SBNO2: variants seen among roughly 807,000 people sequenced by gnomAD.
The protein encoded by SBNO2 is protein strawberry notch homolog 2.
In SBNO2, 89 loss-of-function variants were observed where a neutral mutation model predicts 146.3. That is an observed-to-expected ratio of 0.61 (90% CI 0.51 to 0.73). The LOEUF (loss-of-function observed/expected upper bound fraction) is 0.73. Ranked by LOEUF, SBNO2 falls within the 30% of genes least tolerant of loss-of-function variation. The pLI is 0.00. For missense variants in SBNO2, 2,092 were observed against 2,003.7 expected, an observed-to-expected ratio of 1.04 and a Z score of -0.84; for synonymous variants, 1,147 against 892.6, an observed-to-expected ratio of 1.29 and a Z score of -5.08.
chr19:1,172,990 A>AT (rs71335343), intron 1 of SBNO2, among the ~76,000 whole-genome samples: 27 of 147,270 alleles, frequency 1.8e-4, no homozygotes, highest in African/African-American at 6.1e-4. Flanking sequence ...CATTTAAGAG[A>AT]TTTTTTTTTT....
At position 1,147,351 on chromosome 19, in the gene SBNO2, G is replaced by A. The variant is rs1240923883; in HGVS notation, c.237C>T (p.Ala79=). 8.9e-6 allele frequency: 14 copies of A among 1,569,274 alleles called. No homozygotes were observed. In the South Asian group the frequency reaches 1.4e-4, roughly 16 times the overall value. ...PCPDTSYAPV[A]TASSLPPKTC... ...TCTTTGGTGGCAAGCTGGAGGCGGT[G>A]GCCACGGGGGCATAGCTGGTGTCTG... Residue 79 remains alanine (A), a synonymous_variant, in exon 4 of 32, where the codon GCC becomes GCT. Coordinates refer to ENST00000361757, the MANE Select transcript of SBNO2 (RefSeq NM_014963.3).
At chr19:1,159,816 G>A (rs2080327514) in intron 1 of SBNO2, among the ~76,000 whole-genome samples, 1 of 143,514 alleles carries the variant, frequency 7.0e-6, no homozygotes, top group African/African-American at 2.5e-5. Flanking sequence ...GACAGTGGGG[G>A]GACAGGAGGG....
chr19:1,121,624 G>A (rs2079901949), intron 11 of SBNO2, among the ~76,000 whole-genome samples: 1 of 151,910 alleles, frequency 6.6e-6, no homozygotes, highest in African/African-American at 2.4e-5. Flanking sequence ...TGGGTCTCCT[G>A]TGGGGGAGCC....
At chr19:1,147,655 G>A (rs1385713992) in intron 3 of SBNO2, among the ~76,000 whole-genome samples, 4 of 152,024 alleles carry the variant, frequency 2.6e-5, no homozygotes, top group Admixed American at 6.5e-5. Context: ...GAGCTCCTAC[G>A]GAACAGCCGC....
rs1232744427 is a variant in SBNO2 at position 1,127,742 on chromosome 19, G to A, written c.303C>T (p.Phe101=). Residue 101 remains phenylalanine (F), a synonymous_variant, in exon 5 of 32, where the codon TTC becomes TTT. Coordinates refer to ENST00000361757, the MANE Select transcript of SBNO2 (RefSeq NM_014963.3). Reference sequence around the variant, plus strand: ...ACGAGGAGAAGATGGAGATGTTGGAGAAGTCCTCAAAATAGGAGGAGTCCT... The same window carrying A: ...ACGAGGAGAAGATGGAGATGTTGGAAAAGTCCTCAAAATAGGAGGAGTCCT... ...FAQDSSYFED[F]SNISIFSSSV... 10 of 1,613,478 alleles carry A rather than the reference G, an allele frequency of 6.2e-6. No homozygotes were observed. The highest frequency in any genetic ancestry group is 8.5e-6 in the Non-Finnish European group (10 of 1,179,838).
Position 1,112,552 on chromosome 19 carries a change from G to A in SBNO2, c.2380-15C>T, listed in dbSNP as rs774320056. Reference sequence around the variant, plus strand: ...ATGGCCACGAGCTAGGGGGAAAGAAGGGGCCGGGACACGGTTGGTGCAAGG... The same window carrying A: ...ATGGCCACGAGCTAGGGGGAAAGAAAGGGCCGGGACACGGTTGGTGCAAGG... On this transcript the variant is annotated splice_polypyrimidine_tract_variant and intron_variant, in intron 20 of 31. Transcript: ENST00000361757. The surrounding 1 kb of genome is among the most constrained non-coding windows in gnomAD (Gnocchi z 5.9). The A allele has an allele frequency of 1.9e-6, 3 of 1,590,548 alleles. No homozygotes were observed. The highest frequency in any genetic ancestry group is 1.1e-5 in the South Asian group (1 of 88,992).
At chr19:1,159,432 T>C (rs867702271) in intron 1 of SBNO2, among the ~76,000 whole-genome samples, 2 of 99,802 alleles carry the variant, frequency 2.0e-5, no homozygotes, top group South Asian at 3.8e-4. Context: ...GTGAGAGACC[T>C]TGGGGGGACG....
chr19:1,134,074 GTGGACCCACAGCTCATAGGCGCC>G (rs973980448), intron 4 of SBNO2, among the ~76,000 whole-genome samples: 7 of 150,982 alleles, frequency 4.6e-5, no homozygotes, highest in Non-Finnish European at 7.4e-5. Flanking sequence ...TAGCTCATGG[GTGGACCCACAGCTCATAGGCGCC>G]TGGACCCACA....
chr19:1,125,094 G>A (rs1388295270), intron 5 of SBNO2, among the ~76,000 whole-genome samples: 2 of 151,792 alleles, frequency 1.3e-5, no homozygotes, highest in Non-Finnish European at 2.9e-5. Flanking sequence ...GCTCACACCC[G>A]TAAATCCCAG....
rs902748487 is a variant in SBNO2, at chr19:1,158,033, C to T, written c.-126-3631G>A. Among the ~76,000 whole-genome samples the T allele has an allele frequency of 8.5e-5, 13 of 152,076 alleles. No homozygotes were observed. The highest frequency in any genetic ancestry group is 2.4e-4 in the African/African-American group (10 of 41,404). On this transcript the variant is annotated intron_variant, in intron 1 of 31. Coordinates refer to ENST00000361757, the MANE Select transcript of SBNO2 (RefSeq NM_014963.3). The surrounding 1 kb of genome is among the most constrained non-coding windows in gnomAD (Gnocchi z 9.9). ...AGTCTGGGTAACTGCATCTGCCTCCCGTCTCTCTCTCCTGAGTCCGGGTAA... is the reference window on the plus strand; with the variant it reads ...AGTCTGGGTAACTGCATCTGCCTCCTGTCTCTCTCTCCTGAGTCCGGGTAA...
rs1599818965 is a variant in SBNO2 at position 1,109,459 on chromosome 19, G to T, written c.3217-36C>A. On this transcript the variant is annotated intron_variant, in intron 28 of 31. Transcript: ENST00000361757. The surrounding 1 kb of genome is among the most constrained non-coding windows in gnomAD (Gnocchi z 4.2). ...GGGCGTTGAGGCCGCGCCCCGGTCC[G>T]CCCCCCGCGGGCCCTCCTCTGGGGG... 4 of 1,565,448 alleles carry T rather than the reference G, an allele frequency of 2.6e-6. No individual in the cohort carries two copies. The South Asian group carries it at 4.7e-5, about 18-fold the overall frequency.
intron 2 of SBNO2, among the ~76,000 whole-genome samples, chr19:1,152,500 G>T (rs1249647487): frequency 6.6e-6 from 1 of 152,122 alleles, no homozygotes; most frequent in African/African-American, 2.4e-5. Context: ...CCCCTTTATG[G>T]TGGCCCAGGA....
intron 4 of SBNO2, among the ~76,000 whole-genome samples, chr19:1,132,619 C>T (rs2145257115): frequency 6.6e-6 from 1 of 152,320 alleles, no homozygotes. Context: ...CTCCCTTCAC[C>T]CAGCACCCCA....
At chr19:1,141,279 A>G (rs2080135017) in intron 4 of SBNO2, among the ~76,000 whole-genome samples, 1 of 151,900 alleles carries the variant, frequency 6.6e-6, no homozygotes, top group South Asian at 2.1e-4. Flanking sequence ...CAGTGGCGCA[A>G]TCTCGGCTCC....
Position 1,126,300 on chromosome 19 carries a change from AACAG to A in SBNO2, c.441+1300_441+1303del, listed in dbSNP as rs1380186050. Among the ~76,000 whole-genome samples the A allele has an allele frequency of 2.6e-5, 4 of 152,044 alleles. No homozygotes were observed. Among genetic ancestry groups the A allele is most frequent in the African/African-American group, 4.8e-5 (2 of 41,390 alleles). ...TTTTTAAGTTAACAAAACACAAAAA[AACAG>A]ACGCCACGCAGGTTCCTGGAAGGCT... On this transcript the variant is annotated intron_variant, in intron 5 of 31. Coordinates refer to ENST00000361757, the MANE Select transcript of SBNO2 (RefSeq NM_014963.3). The surrounding 1 kb of genome is among the most constrained non-coding windows in gnomAD (Gnocchi z 4.4).
intron 4 of SBNO2, chr19:1,132,061 C>T: frequency 6.7e-7 from 1 of 1,501,972 alleles, no homozygotes. Flanking sequence ...CCCCCGAGGG[C>T]CTCGCCCGCC....
chr19:1,174,046 C>G (rs2080507406), intron 1 of SBNO2, 126 bp downstream of exon 1: 1 of 150,952 alleles, frequency 6.6e-6, no homozygotes, highest in Non-Finnish European at 1.5e-5. Context: ...TCGCCCCCGC[C>G]CCACGGCCCC....
chr19:1,129,649 C>T (rs2080005846), intron 4 of SBNO2, among the ~76,000 whole-genome samples: 1 of 152,206 alleles, frequency 6.6e-6, no homozygotes. Flanking sequence ...CCTGGTCACG[C>T]TGACCTGTGG....
chr19:1,129,653 C>T (rs2080005904), intron 4 of SBNO2, among the ~76,000 whole-genome samples: 1 of 152,218 alleles, frequency 6.6e-6, no homozygotes, highest in Admixed American at 6.5e-5. Flanking sequence ...GTCACGCTGA[C>T]CTGTGGCCCG....
Sources: allele counts gnomAD v4.1 joint callset (sites outside exome capture counted in the v4.1 genomes callset), GRCh38; gene constraint gnomAD v4.1.1; non-coding constraint Gnocchi (gnomAD v3.1); transcripts MANE v1.5; gene names NCBI Gene and HGNC (gene_info 2026-07-23, HGNC 2026-07-21).